Variants in SLC2A13 observed in about 807,000 individuals in gnomAD.
SLC2A13 encodes the protein solute carrier family 2 member 13.
In SLC2A13, 32 loss-of-function variants were observed where a neutral mutation model predicts 64.4. The observed-to-expected ratio is 0.50, with a 90% confidence interval of 0.37 to 0.67. The LOEUF (loss-of-function observed/expected upper bound fraction) is 0.67. SLC2A13 is among the 30% of genes least tolerant of loss of function. The pLI, the probability that SLC2A13 is intolerant of heterozygous loss-of-function variation, is 0.00. For missense variants in SLC2A13, 743 were observed against 829.2 expected, an observed-to-expected ratio of 0.90 and a Z score of 1.28; for synonymous variants, 338 against 327.1, an observed-to-expected ratio of 1.03 and a Z score of -0.36.
chr12:40,082,077 G>A (rs1938423756), intron 1 of SLC2A13, among the ~76,000 whole-genome samples: 1 of 152,168 alleles, frequency 6.6e-6, no homozygotes. Flanking sequence ...GGTGTTCCCA[G>A]TCTGCTGGTA....
intron 4 of SLC2A13, among the ~76,000 whole-genome samples, chr12:39,904,966 A>C (rs899986177): frequency 6.6e-6 from 1 of 152,100 alleles, no homozygotes; most frequent in African/African-American, 2.4e-5. Flanking sequence ...ACGTGCAGGC[A>C]AACTATCCCA....
intron 1 of SLC2A13, among the ~76,000 whole-genome samples, chr12:40,052,707 C>G (rs1398724535): frequency 6.6e-6 from 1 of 152,118 alleles, no homozygotes; most frequent in Non-Finnish European, 1.5e-5. Flanking sequence ...CAACATCAAA[C>G]TGACATTCGG....
chr12:39,911,142 G>A (rs1945421382), intron 4 of SLC2A13, among the ~76,000 whole-genome samples: 1 of 151,920 alleles, frequency 6.6e-6, no homozygotes, highest in Non-Finnish European at 1.5e-5. Flanking sequence ...AATCTCTCAA[G>A]AGCTTAAGTT....
At chr12:39,966,223 G>C (rs541788695) in intron 3 of SLC2A13, among the ~76,000 whole-genome samples, 2 of 151,976 alleles carry the variant, frequency 1.3e-5, no homozygotes, top group African/African-American at 4.8e-5. Flanking sequence ...GCGTGAGAGA[G>C]AGAGGTTTTG....
intron 6 of SLC2A13, among the ~76,000 whole-genome samples, chr12:39,830,845 T>G (rs556680090): frequency 6.6e-6 from 1 of 152,314 alleles, no homozygotes; most frequent in East Asian, 1.9e-4. Flanking sequence ...TTATTCTGAA[T>G]TTAAAAGAAG....
At chr12:39,973,955 T>C (rs28370725) in intron 3 of SLC2A13, among the ~76,000 whole-genome samples, 20,818 of 152,228 alleles carry the variant, frequency 0.14, 1,491 homozygotes, top group South Asian at 0.24. Flanking sequence ...CATACCATTC[T>C]GTCTGATCTT....
chr12:39,899,267 G>C (rs538952523), intron 4 of SLC2A13, among the ~76,000 whole-genome samples: 2 of 152,084 alleles, frequency 1.3e-5, no homozygotes, highest in Admixed American at 1.3e-4. Flanking sequence ...GTTTATTTGC[G>C]TAGAGGTGTT....
chr12:39,903,103 T>G (rs1945178758), intron 4 of SLC2A13, among the ~76,000 whole-genome samples: 1 of 152,024 alleles, frequency 6.6e-6, no homozygotes, highest in South Asian at 2.1e-4. Flanking sequence ...AATTAGTGAG[T>G]CTAGATAGGA....
chr12:39,964,500 G>C (rs1946471651), intron 3 of SLC2A13, among the ~76,000 whole-genome samples: 1 of 152,198 alleles, frequency 6.6e-6, no homozygotes, highest in African/African-American at 2.4e-5. Flanking sequence ...AATGGTTATG[G>C]AAGAATGTAA....
intron 7 of SLC2A13, among the ~76,000 whole-genome samples, chr12:39,785,415 G>A (rs568398825): frequency 2.0e-5 from 3 of 152,302 alleles, no homozygotes; most frequent in African/African-American, 7.2e-5. Context: ...TGAGGTTTGG[G>A]AACTTCCACC....
intron 7 of SLC2A13, among the ~76,000 whole-genome samples, chr12:39,814,810 TATGCATATGTCACAA>T (rs1942294157): frequency 6.6e-6 from 1 of 152,226 alleles, no homozygotes; most frequent in Admixed American, 6.5e-5. Context: ...TTATCACAAT[TATGCATATGTCACAA>T]TATGCATTAT....
intron 7 of SLC2A13, among the ~76,000 whole-genome samples, chr12:39,808,545 C>T (rs1942048630): frequency 6.6e-6 from 1 of 152,038 alleles, no homozygotes; most frequent in South Asian, 2.1e-4. Context: ...GTGTTTGTAC[C>T]AATTTACATT....
intron 3 of SLC2A13, among the ~76,000 whole-genome samples, chr12:40,026,205 A>T (rs1182263841): frequency 6.6e-6 from 1 of 152,260 alleles, no homozygotes; most frequent in Admixed American, 6.5e-5. Flanking sequence ...ATACAAATCC[A>T]GAAATGGATA....
At chr12:39,963,052 T>C (rs969893709) in intron 3 of SLC2A13, among the ~76,000 whole-genome samples, 13 of 152,236 alleles carry the variant, frequency 8.5e-5, no homozygotes, top group African/African-American at 2.4e-4. Context: ...TTTGGGAGGC[T>C]GAGGCAGGCG....
intron 4 of SLC2A13, among the ~76,000 whole-genome samples, chr12:39,947,799 TA>T (rs1295417634): frequency 3.3e-5 from 5 of 151,544 alleles, no homozygotes; most frequent in African/African-American, 4.8e-5. Flanking sequence ...TAGCTGGGAC[TA>T]CAGGCGCCCG....
Position 40,081,530 on chromosome 12 carries a change from A to G in SLC2A13, c.556+23723T>C, listed in dbSNP as rs2136284358. Among the ~76,000 whole-genome samples, 3 of 152,302 alleles carry G rather than the reference A, an allele frequency of 2.0e-5. No homozygotes were observed. The South Asian group carries it at 6.2e-4, about 32-fold the overall frequency. ...GAAATTCTTGTAGATTTTCACCTCT[A>G]GAAGAACAGTTTCTTTCTTAAAATG... On this transcript the variant is annotated intron_variant, in intron 1 of 9. Coordinates refer to ENST00000280871, the MANE Select transcript of SLC2A13 (RefSeq NM_052885.4).
chr12:39,772,872 TCA>T (rs1555234064), intron 7 of SLC2A13, among the ~76,000 whole-genome samples: 1 of 8,080 alleles, frequency 1.2e-4, no homozygotes, highest in Non-Finnish European at 5.5e-4. Context: ...AAGTAGCTCC[TCA>T]TCATCCTCAT....
At chr12:39,882,276 A>G (rs1204967770) in intron 4 of SLC2A13, among the ~76,000 whole-genome samples, 1 of 152,142 alleles carries the variant, frequency 6.6e-6, no homozygotes, top group Non-Finnish European at 1.5e-5. Flanking sequence ...AGAATTTCTG[A>G]TTCAGTAGGT....
intron 2 of SLC2A13, among the ~76,000 whole-genome samples, chr12:40,043,304 TCTCA>T (rs968846893): frequency 6.6e-6 from 1 of 151,976 alleles, no homozygotes; most frequent in African/African-American, 2.4e-5. Flanking sequence ...AGTGAGTAAA[TCTCA>T]CTATGTTCAT....
Sources: allele counts gnomAD v4.1 joint callset (sites outside exome capture counted in the v4.1 genomes callset), GRCh38; gene constraint gnomAD v4.1.1; transcripts MANE v1.5; gene names NCBI Gene and HGNC (gene_info 2026-07-23, HGNC 2026-07-21).